The following NEB variants were observed in gnomAD, a reference collection of about 807,000 sequenced individuals.
The protein encoded by NEB is nemaline myopathy type 2.
NEB carries 512 observed loss-of-function variants against 952.2 expected under a neutral mutation model. The observed-to-expected ratio is 0.54, with a 90% CI of 0.50 to 0.58. The LOEUF (loss-of-function observed/expected upper bound fraction) is 0.58. Ranked by LOEUF, NEB falls within the 20% of genes least tolerant of loss-of-function variation. The probability of loss-of-function intolerance (pLI) is 0.00; values close to 1 mark genes in which losing one functional copy is unlikely to be tolerated. For synonymous variants in NEB, 2,900 were observed against 3,149.8 expected, an observed-to-expected ratio of 0.92 and a Z score of 2.66; for missense variants, 8,428 against 9,231.1, an observed-to-expected ratio of 0.91 and a Z score of 3.56.
intron 153 of NEB, among the ~76,000 whole-genome samples, chr2:151,523,683 G>A (rs558001311): frequency 6.6e-6 from 1 of 152,228 alleles, no homozygotes; most frequent in African/African-American, 2.4e-5. Context: ...TGGTAACTGG[G>A]TTTGGGCAAC....
chr2:151,708,116 T>C (rs1323865218), intron 12 of NEB, among the ~76,000 whole-genome samples: 1 of 152,168 alleles, frequency 6.6e-6, no homozygotes, highest in Non-Finnish European at 1.5e-5. Flanking sequence ...TTCCACCTGC[T>C]CTAGGATATC....
Position 151,567,242 on chromosome 2 carries a change from A to T in NEB, c.18082T>A (p.Leu6028Met), listed in dbSNP as rs1279398980. The T allele has an allele frequency of 1.2e-6, 2 of 1,613,752 alleles. No homozygotes were observed. The highest frequency in any genetic ancestry group is 4.5e-5 in the East Asian group (2 of 44,878). Residue 6028 changes from leucine (L) to methionine (M), a missense_variant, in exon 114 of 182, where the codon TTG becomes ATG. Leu to Met is a conservative substitution (Grantham distance 15). This residue lies in a region of NEB where 3,374 missense variants were observed against 3,651.5 expected (regional missense o/e 0.92). Transcript: ENST00000397345. ...LVSDIDYRNY[L>M]HQWMCHPDQN... ...TCAGGATGACACATCCATTGGTGCA[A>T]GTAATTACGATAATCAATATCACTG...
intron 17 of NEB, 75 bp downstream of exon 17, chr2:151,696,562 C>A: frequency 1.8e-6 from 2 of 1,117,236 alleles, no homozygotes; most frequent in South Asian, 2.7e-5. Context: ...CTTGATAAGT[C>A]ATTGGATTTT....
At chr2:151,503,244 C>A in intron 166 of NEB, 105 bp downstream of exon 166, 1 of 821,018 alleles carries the variant, frequency 1.2e-6, no homozygotes, top group Non-Finnish European at 2.0e-6. Context: ...CACACACAGA[C>A]ACACACAGAA....
rs149429136 is a variant in NEB at position 151,544,827 on chromosome 2, T to C, written c.20577+1061A>G. Among the ~76,000 whole-genome samples, 367 of 152,330 alleles carry C rather than the reference T, an allele frequency of 2.4e-3. 9 individuals are homozygous for C. The East Asian group carries it at 0.046, about 19-fold the overall frequency. ...AAGGATGAAATGGCCTGGAAGCCAA[T>C]GCTCAGCTGGGTGAAGCCACAATAC... On this transcript the variant is annotated intron_variant, in intron 135 of 181. Transcript: ENST00000397345.
At position 151,492,115 on chromosome 2, in the gene NEB, T is replaced by C. The variant is rs543506644; in HGVS notation, c.25040A>G (p.Asp8347Gly). The C allele has an allele frequency of 1.2e-6, 2 of 1,613,946 alleles. No homozygotes were observed. The highest frequency in any genetic ancestry group is 2.2e-5 in the South Asian group (2 of 91,072). The change falls in exon 178 of 182, where the codon GAT becomes GGT. Residue 8347 changes from aspartate (D) to glycine (G), a missense_variant. Around this residue, in one of 11 missense-constraint regions of NEB, gnomAD observed 3,374 missense variants for 3,651.5 expected, o/e 0.92. Transcript: ENST00000397345. ...VEMEQKRNDQ[D>G]QETITGLRVW... Reference sequence around the variant, plus strand: ...TCAGTTACCTGTAATAGTCTCCTGATCTTGGTCATTCCGTTTTTGTTCCAT... The same window carrying C: ...TCAGTTACCTGTAATAGTCTCCTGACCTTGGTCATTCCGTTTTTGTTCCAT...
rs762959479 is a variant in NEB at position 151,568,303 on chromosome 2, G to A, written c.17736+13C>T. The stretch of plus-strand genomic sequence containing the variant: ...TCGTACACAAACACCAGGCATGTGG[G>A]TGAAACCCATACCTGGTCCAGTATC... On this transcript the variant is annotated intron_variant, in intron 112 of 181. Coordinates refer to ENST00000397345, the MANE Select transcript of NEB (RefSeq NM_001164508.2). 4 of 1,610,466 alleles carry A rather than the reference G, an allele frequency of 2.5e-6. No individual in the cohort carries two copies. The highest frequency in any genetic ancestry group is 3.4e-6 in the Non-Finnish European group (4 of 1,177,054).
chr2:151,563,954 AC>A, intron 117 of NEB, 24 bp from the exon 118 acceptor site: 1 of 1,534,296 alleles, frequency 6.5e-7, no homozygotes, highest in Non-Finnish European at 8.9e-7. Context: ...ATACATGGCA[AC>A]AAAAGTTTTC....
At position 151,525,946 on chromosome 2, in the gene NEB, T is replaced by C; in HGVS notation, c.22161+12A>G. On this transcript the variant is annotated intron_variant, in intron 150 of 181. Coordinates refer to ENST00000397345, the MANE Select transcript of NEB (RefSeq NM_001164508.2). ...ATTGTTGCTGCCAAGAGACCGGTGGTTGATCACTTACATCACTGACATGCT... is the reference window on the plus strand; with the variant it reads ...ATTGTTGCTGCCAAGAGACCGGTGGCTGATCACTTACATCACTGACATGCT... 1 of 1,604,706 alleles carries C rather than the reference T, an allele frequency of 6.2e-7. No individual in the cohort carries two copies.
intron 176 of NEB, 25 bp downstream of exon 176, chr2:151,493,328 A>G (rs760447747): frequency 3.9e-6 from 6 of 1,538,582 alleles, no homozygotes; most frequent in Admixed American, 1.7e-5. Context: ...TTGTTGCACT[A>G]TTTCTTTTTA....
chr2:151,565,873 T>C, intron 114 of NEB, 53 bp from the exon 115 acceptor site: 1 of 1,250,404 alleles, frequency 8.0e-7, no homozygotes, highest in Non-Finnish European at 1.1e-6. Flanking sequence ...AGACACAGGC[T>C]TACAGAGGGC....
intron 173 of NEB, chr2:151,495,131 G>A (rs2059361250): frequency 6.6e-6 from 1 of 152,136 alleles, no homozygotes; most frequent in African/African-American, 2.4e-5. Flanking sequence ...AAGGAATAAG[G>A]TTTTTGGCTC....
chr2:151,649,819 T>C lies in NEB; in HGVS notation c.7431+357A>G, dbSNP rs186387814. 7.2e-5 allele frequency among the ~76,000 whole-genome samples: 11 copies of C among 152,298 alleles called. No homozygotes were observed. In the East Asian group the frequency reaches 1.9e-3, roughly 27 times the overall value. On this transcript the variant is annotated intron_variant, in intron 54 of 181. Coordinates refer to ENST00000397345, the MANE Select transcript of NEB (RefSeq NM_001164508.2). The stretch of plus-strand genomic sequence containing the variant: ...AAATACACTCTTTATAACACATCCA[T>C]TGTGCCTGTGTAAGGTACTCAGAAT...
chr2:151,535,806 C>T lies in NEB; in HGVS notation c.21208-11G>A, dbSNP rs1057522156. On this transcript the variant is annotated splice_polypyrimidine_tract_variant and intron_variant, in intron 141 of 181. Transcript: ENST00000397345. ...TTCTTTATACTTATACTAGAAAAAACAGAACATGGTTACTTGACAGCAGGC... is the reference window on the plus strand; with the variant it reads ...TTCTTTATACTTATACTAGAAAAAATAGAACATGGTTACTTGACAGCAGGC... 4 of 1,464,598 alleles carry T rather than the reference C, an allele frequency of 2.7e-6. No homozygotes were observed. In the Admixed American group the frequency reaches 7.5e-5, roughly 27 times the overall value. The allele number at this position is 1,464,598 out of a possible 1,614,324, so 90.7% of individuals were successfully genotyped here. A position where few individuals can be genotyped will look rare whatever the true frequency, so the allele number is the denominator to read the frequency against.
At chr2:151,559,408 A>C (rs1344985696) in intron 124 of NEB, among the ~76,000 whole-genome samples, 1 of 152,220 alleles carries the variant, frequency 6.6e-6, no homozygotes, top group Admixed American at 6.5e-5. Context: ...CTAGAACTAG[A>C]AATACCATTT....
intron 150 of NEB, 47 bp downstream of exon 150, chr2:151,525,910 AG>A: frequency 7.1e-7 from 1 of 1,406,748 alleles, no homozygotes; most frequent in Non-Finnish European, 1.0e-6. Context: ...CAGATTCTAC[AG>A]TCAAGTGGCA....
chr2:151,581,679 T>A, intron 102 of NEB, 92 bp from the exon 103 acceptor site: 1 of 1,427,306 alleles, frequency 7.0e-7, no homozygotes, highest in Non-Finnish European at 9.4e-7. Context: ...CATACTTGAA[T>A]AAATGGATGA....
At chr2:151,520,620 T>A (rs1313710233) in intron 153 of NEB, among the ~76,000 whole-genome samples, 2 of 152,060 alleles carry the variant, frequency 1.3e-5, no homozygotes, top group African/African-American at 2.4e-5. Flanking sequence ...ATCTCAGCAC[T>A]TTAGGAGGCC....
intron 142 of NEB, chr2:151,534,457 CAG>C (rs2092651539): frequency 1.4e-6 from 1 of 700,476 alleles, no homozygotes; most frequent in Non-Finnish European, 2.5e-6. Context: ...ACAATAAAAA[CAG>C]GGAAGCAAAG....
Sources: gnomAD v4.1 joint callset for allele counts (sites outside exome capture counted in the v4.1 genomes callset) on GRCh38, gnomAD v4.1.1 for gene constraint, gnomAD v4.1.1 regional missense constraint, MANE v1.5 for transcripts, NCBI Gene and HGNC (gene_info 2026-07-23, HGNC 2026-07-21) for gene names.